MGAT4C: variants seen among roughly 807,000 people sequenced by gnomAD.
MGAT4C encodes the protein MGAT4 family member C, also known as alpha-1,3-mannosyl-glycoprotein 4-beta-N-acetylglucosaminyltransferase C.
MGAT4C carries 19 observed loss-of-function variants against 40.1 expected under a neutral mutation model. The observed-to-expected ratio is 0.47, with a 90% CI of 0.33 to 0.70. MGAT4C has a LOEUF of 0.70. Among genes scored for constraint, MGAT4C ranks in the 30% least tolerant of loss-of-function variants. The pLI is 0.02. For synonymous variants in MGAT4C, 181 were observed against 187.1 expected (o/e 0.97, Z 0.27); for missense variants, 491 against 563.2 (o/e 0.87, Z 1.30).
At chr12:86,451,428 G>T (rs1175738866) in intron 2 of MGAT4C, among the ~76,000 whole-genome samples, 1 of 152,122 alleles carries the variant, frequency 6.6e-6, no homozygotes, top group Non-Finnish European at 1.5e-5. Flanking sequence ...TTATAGCAAT[G>T]TGAGAACAAA....
chr12:86,354,274 AT>A (rs1955253318), intron 3 of MGAT4C, among the ~76,000 whole-genome samples: 1 of 152,354 alleles, frequency 6.6e-6, no homozygotes, highest in Non-Finnish European at 1.5e-5. Flanking sequence ...AAACAAAAAA[AT>A]CTCCAGAAGA....
chr12:86,768,724 A>G (rs529826460), intron 1 of MGAT4C, among the ~76,000 whole-genome samples: 8 of 152,152 alleles, frequency 5.3e-5, no homozygotes, highest in Non-Finnish European at 8.8e-5. Context: ...CATATCTACA[A>G]CTATCTGATC....
intron 1 of MGAT4C, chr12:86,068,483 T>C (rs993468576): frequency 3.3e-5 from 5 of 150,944 alleles, no homozygotes; most frequent in African/African-American, 1.2e-4. Context: ...TCAGAGTTGA[T>C]GTAAGTCATA....
At chr12:86,644,000 A>G (rs1184697253) in intron 2 of MGAT4C, among the ~76,000 whole-genome samples, 1 of 151,776 alleles carries the variant, frequency 6.6e-6, no homozygotes, top group Non-Finnish European at 1.5e-5. Context: ...AACTGTAAAA[A>G]ATAATTCAGG....
intron 1 of MGAT4C, among the ~76,000 whole-genome samples, chr12:86,209,230 G>T (rs1950368761): frequency 6.6e-6 from 1 of 151,850 alleles, no homozygotes; most frequent in African/African-American, 2.4e-5. Flanking sequence ...TCTGAAGGTA[G>T]ATAGCACTTA....
chr12:86,547,309 C>T (rs1049601313), intron 2 of MGAT4C, among the ~76,000 whole-genome samples: 1 of 151,922 alleles, frequency 6.6e-6, no homozygotes, highest in Non-Finnish European at 1.5e-5. Flanking sequence ...TCTTTCCTCC[C>T]CCCTTCCTCT....
At chr12:86,458,298 G>C (rs1922742) in intron 2 of MGAT4C, among the ~76,000 whole-genome samples, 97,257 of 152,060 alleles carry the variant, frequency 0.64, 31,789 homozygotes, top group South Asian at 0.77. Context: ...CACTGGCTCA[G>C]ATGCCTAAGT....
At chr12:86,269,375 TG>T (rs1309049424) in intron 4 of MGAT4C, among the ~76,000 whole-genome samples, 5 of 151,846 alleles carry the variant, frequency 3.3e-5, no homozygotes, top group Non-Finnish European at 7.4e-5. Context: ...TTTTTTCTTT[TG>T]GTCATTTATA....
chr12:85,979,567 T>A lies in MGAT4C; in HGVS notation c.1159A>T (p.Ile387Phe). ...DVFVIVFENPIIIKKIKVNTG... is the reference protein window; with the variant it reads ...DVFVIVFENPFIIKKIKVNTG... ...TTTACTTTAATTTTTTTTATTATAA[T>A]TGGATTTTCAAATACAATCACAAAA... The change falls in exon 5 of 5, where the codon ATT (isoleucine) becomes TTT (phenylalanine). Residue 387 changes from isoleucine to phenylalanine, a missense_variant. By Grantham distance (21) the Ile-to-Phe change is conservative. Transcript: ENST00000611864. The A allele has an allele frequency of 6.2e-7, 1 of 1,607,826 alleles. No homozygotes were observed. Among genetic ancestry groups the A allele is most frequent in the Non-Finnish European group, 8.5e-7 (1 of 1,177,526 alleles).
intron 2 of MGAT4C, among the ~76,000 whole-genome samples, chr12:86,026,088 G>A (rs562438321): frequency 2.6e-4 from 40 of 151,770 alleles, no homozygotes; most frequent in African/African-American, 9.4e-4. Context: ...TGCTAACACC[G>A]AAATTTTTAA....
At chr12:86,283,213 A>G (rs970143753) in intron 4 of MGAT4C, among the ~76,000 whole-genome samples, 1 of 151,974 alleles carries the variant, frequency 6.6e-6, no homozygotes, top group South Asian at 2.1e-4. Flanking sequence ...AAATTCTTCC[A>G]AATAGAAAAG....
intron 1 of MGAT4C, among the ~76,000 whole-genome samples, chr12:86,179,054 T>C (rs1361766643): frequency 6.6e-6 from 1 of 152,200 alleles, no homozygotes; most frequent in Non-Finnish European, 1.5e-5. Context: ...TCAACTTGAA[T>C]TGTATCTTCC....
At chr12:86,151,529 C>A (rs1249467869) in intron 1 of MGAT4C, among the ~76,000 whole-genome samples, 1 of 151,808 alleles carries the variant, frequency 6.6e-6, no homozygotes, top group African/African-American at 2.4e-5. Flanking sequence ...AGGAGAACGG[C>A]GTGAACCCGG....
intron 1 of MGAT4C, among the ~76,000 whole-genome samples, chr12:86,149,522 C>T (rs1453266881): frequency 6.6e-6 from 1 of 152,216 alleles, no homozygotes; most frequent in South Asian, 2.1e-4. Context: ...CCAAGCATCT[C>T]AGGGCAGGAT....
intron 4 of MGAT4C, among the ~76,000 whole-genome samples, chr12:86,280,841 A>G (rs1953201227): frequency 6.6e-6 from 1 of 152,002 alleles, no homozygotes; most frequent in South Asian, 2.1e-4. Context: ...TACAAAGTAC[A>G]TATTTTATCT....
chr12:86,213,444 A>C (rs542298904), intron 1 of MGAT4C, among the ~76,000 whole-genome samples: 1 of 152,326 alleles, frequency 6.6e-6, no homozygotes, highest in South Asian at 2.1e-4. Context: ...GGAAATAAAT[A>C]CCTCTTTAGG....
intron 3 of MGAT4C, among the ~76,000 whole-genome samples, chr12:86,380,401 T>G (rs1481673520): frequency 6.6e-6 from 1 of 152,184 alleles, no homozygotes; most frequent in Admixed American, 6.5e-5. Context: ...TTCGTGGTGT[T>G]AAATATTGAC....
chr12:86,424,416 T>A (rs1389401633), intron 3 of MGAT4C, among the ~76,000 whole-genome samples: 1 of 152,220 alleles, frequency 6.6e-6, no homozygotes, highest in African/African-American at 2.4e-5. Context: ...AAATAAAATT[T>A]CTTACCTTTC....
chr12:86,650,672 A>AT (rs1401232789), intron 2 of MGAT4C, among the ~76,000 whole-genome samples: 1 of 151,890 alleles, frequency 6.6e-6, no homozygotes, highest in South Asian at 2.1e-4. Context: ...TCTTGTAGAG[A>AT]TTGAACTGGA....
Sources: allele counts gnomAD v4.1 joint callset (sites outside exome capture counted in the v4.1 genomes callset), GRCh38; gene constraint gnomAD v4.1.1; transcripts MANE v1.5; gene names NCBI Gene and HGNC (gene_info 2026-07-23, HGNC 2026-07-21).